Variants in RBFOX1 observed in about 807,000 individuals in gnomAD.
RBFOX1 encodes the protein RNA binding fox-1 homolog 1, also known as RNA binding protein fox-1 homolog 1.
Under a neutral mutation model 57.7 loss-of-function variants are expected in RBFOX1, and 8 were observed. The observed-to-expected ratio is 0.14, with a 90% confidence interval of 0.08 to 0.25. The LOEUF is 0.25. Among genes scored for constraint, RBFOX1 ranks in the 10% least tolerant of loss-of-function variants. The pLI, the probability that RBFOX1 is intolerant of heterozygous loss-of-function variation, is 1.00. For synonymous variants in RBFOX1, 326 were observed against 222.4 expected (o/e 1.47, Z -4.15); for missense variants, 611 against 548.5 (o/e 1.11, Z -1.14).
chr16:5,643,657 G>C (rs973539955), intron 3 of RBFOX1, among the ~76,000 whole-genome samples: 1 of 152,136 alleles, frequency 6.6e-6, no homozygotes, highest in Non-Finnish European at 1.5e-5. Context: ...TTTGATGTAG[G>C]AACTTCAGCT....
chr16:6,054,768 T>G (rs986846886), intron 1 of RBFOX1, among the ~76,000 whole-genome samples: 12 of 152,114 alleles, frequency 7.9e-5, no homozygotes, highest in African/African-American at 2.9e-4. Context: ...TTATGCTATA[T>G]TGGCTACTTT....
At chr16:6,491,337 T>A (rs1198443399) in intron 2 of RBFOX1, among the ~76,000 whole-genome samples, 1 of 152,134 alleles carries the variant, frequency 6.6e-6, no homozygotes, top group African/African-American at 2.4e-5. Flanking sequence ...GTGAGCCTCC[T>A]TTTAGAAATA....
chr16:5,378,282 A>T (rs2066040614), intron 1 of RBFOX1, among the ~76,000 whole-genome samples: 1 of 151,508 alleles, frequency 6.6e-6, no homozygotes, highest in Admixed American at 6.6e-5. Context: ...CCCTCATCCA[A>T]ACAACCCAAA....
chr16:5,623,840 A>G (rs547238500), intron 3 of RBFOX1, among the ~76,000 whole-genome samples: 1 of 152,236 alleles, frequency 6.6e-6, no homozygotes, highest in South Asian at 2.1e-4. Flanking sequence ...TTTTGGAAAA[A>G]CGGCTCTATT....
chr16:7,674,879 G>A (rs995397612), intron 13 of RBFOX1, among the ~76,000 whole-genome samples: 1 of 152,206 alleles, frequency 6.6e-6, no homozygotes. Context: ...TGGAGGATAT[G>A]CAAAGTTCAA....
intron 3 of RBFOX1, among the ~76,000 whole-genome samples, chr16:6,728,497 A>T (rs1192587868): frequency 6.6e-6 from 1 of 152,202 alleles, no homozygotes; most frequent in Non-Finnish European, 1.5e-5. Context: ...TAAAGGGAAG[A>T]TAAAGTTTTT....
chr16:6,423,036 C>T (rs1397226781), intron 2 of RBFOX1, among the ~76,000 whole-genome samples: 1 of 152,188 alleles, frequency 6.6e-6, no homozygotes, highest in African/African-American at 2.4e-5. Flanking sequence ...ATATGTACTA[C>T]ATTTTCTTTA....
At chr16:5,424,814 T>C (rs904222898) in intron 1 of RBFOX1, among the ~76,000 whole-genome samples, 3 of 151,136 alleles carry the variant, frequency 2.0e-5, no homozygotes, top group Admixed American at 6.6e-5. Flanking sequence ...CTGTTTTCTC[T>C]TCTCCTCTCC....
At chr16:6,978,078 C>T (rs1360305513) in intron 3 of RBFOX1, among the ~76,000 whole-genome samples, 3 of 145,904 alleles carry the variant, frequency 2.1e-5, no homozygotes, top group Non-Finnish European at 4.5e-5. Flanking sequence ...CGCCCCCCTT[C>T]ATGTGGGTGT....
chr16:7,688,736 A>C (rs763145002), intron 14 of RBFOX1, among the ~76,000 whole-genome samples: 12 of 152,158 alleles, frequency 7.9e-5, no homozygotes, highest in Non-Finnish European at 4.4e-5. Context: ...TTAAAAGATT[A>C]GTCAGGCTAG....
intron 4 of RBFOX1, among the ~76,000 whole-genome samples, chr16:7,486,198 C>G (rs1238477734): frequency 6.8e-6 from 1 of 146,532 alleles, no homozygotes; most frequent in Non-Finnish European, 1.5e-5. Flanking sequence ...TCTCAGCTCG[C>G]TGCAACCTCT....
intron 1 of RBFOX1, among the ~76,000 whole-genome samples, chr16:6,182,032 C>G (rs1404660666): frequency 2.0e-5 from 3 of 152,174 alleles, no homozygotes; most frequent in Non-Finnish European, 2.9e-5. Context: ...CATGGTCCCA[C>G]TAAAATACAA....
chr16:5,854,858 A>G (rs1165880747), intron 3 of RBFOX1, among the ~76,000 whole-genome samples: 2 of 152,224 alleles, frequency 1.3e-5, no homozygotes, highest in Admixed American at 6.5e-5. Context: ...GTAGAAAGGT[A>G]CCCTTTTCTC....
rs181151316 is a variant in RBFOX1 at position 7,544,103 on chromosome 16, G to C, written c.270+25714G>C. On this transcript the variant is annotated intron_variant, in intron 5 of 15. Coordinates refer to ENST00000550418, the MANE Select transcript of RBFOX1 (RefSeq NM_018723.4). ...AGAGAGAATCCTCATTCTATGGAGA[G>C]GGGGAATAAGACCAGGAAAGCCTGA... Among the ~76,000 whole-genome samples, 27 of 152,328 alleles carry C rather than the reference G, an allele frequency of 1.8e-4. No homozygotes were observed. In the East Asian group the frequency reaches 5.0e-3, roughly 28 times the overall value.
intron 1 of RBFOX1, among the ~76,000 whole-genome samples, chr16:6,165,523 C>T (rs552178433): frequency 2.6e-5 from 4 of 152,300 alleles, no homozygotes; most frequent in Admixed American, 6.5e-5. Flanking sequence ...AAAGATAACA[C>T]GTTTGCCCTC....
intron 2 of RBFOX1, among the ~76,000 whole-genome samples, chr16:6,568,847 C>T (rs1398104239): frequency 6.6e-6 from 1 of 152,154 alleles, no homozygotes; most frequent in Non-Finnish European, 1.5e-5. Flanking sequence ...CGGCTCACTG[C>T]AACCTCCGCC....
At chr16:7,171,691 G>A (rs77517985) in intron 4 of RBFOX1, among the ~76,000 whole-genome samples, 1,912 of 152,246 alleles carry the variant, frequency 0.013, 23 homozygotes, top group Non-Finnish European at 0.021. Context: ...TTAGTTATAG[G>A]GTAAGCAATG....
intron 3 of RBFOX1, among the ~76,000 whole-genome samples, chr16:6,724,995 T>C (rs1358823703): frequency 6.6e-6 from 1 of 150,784 alleles, no homozygotes; most frequent in East Asian, 2.0e-4. Flanking sequence ...TAATGAGTAA[T>C]GGGGACAGCC....
At position 5,618,488 on chromosome 16, in the gene RBFOX1, C is replaced by G. The variant is rs143841551; in HGVS notation, c.318+19527C>G. ...AAGTAGCTGGGACTACAGGCGCCCGCCATCACGCCCAGCTAATTTTTTGTA... is the reference window on the plus strand; with the variant it reads ...AAGTAGCTGGGACTACAGGCGCCCGGCATCACGCCCAGCTAATTTTTTGTA... On this transcript the variant is annotated intron_variant, in intron 3 of 19. Coordinates refer to the RBFOX1 transcript ENST00000641259. Among the ~76,000 whole-genome samples the G allele has an allele frequency of 8.3e-3, 1,263 of 152,228 alleles. 24 individuals carry two copies. Among genetic ancestry groups the G allele is most frequent in the African/African-American group, 0.029 (1,190 of 41,542 alleles).
Sources: allele counts gnomAD v4.1 joint callset (sites outside exome capture counted in the v4.1 genomes callset), GRCh38; gene constraint gnomAD v4.1.1; transcripts MANE v1.5; gene names NCBI Gene and HGNC (gene_info 2026-07-23, HGNC 2026-07-21).